CNOT4: variants seen among roughly 807,000 people sequenced by gnomAD.
The protein encoded by CNOT4 is CCR4-NOT transcription complex subunit 4.
Under a neutral mutation model 73.8 loss-of-function variants are expected in CNOT4, and 8 were observed. That is an observed-to-expected ratio of 0.11 (90% CI 0.06 to 0.20). The LOEUF is 0.20. Ranked by LOEUF, CNOT4 falls within the 10% of genes least tolerant of loss-of-function variation. The probability of loss-of-function intolerance (pLI) is 1.00; values close to 1 mark genes in which losing one functional copy is unlikely to be tolerated. For synonymous variants in CNOT4, 293 were observed against 321.1 expected (o/e 0.91, Z 0.94); for missense variants, 564 against 883.4 (o/e 0.64, Z 4.58).
At chr7:135,495,291 G>A (rs1448788227) in intron 1 of CNOT4, among the ~76,000 whole-genome samples, 1 of 152,074 alleles carries the variant, frequency 6.6e-6, no homozygotes, top group South Asian at 2.1e-4. Flanking sequence ...GATTACCTGA[G>A]GTCAGGAGTT....
intron 1 of CNOT4, among the ~76,000 whole-genome samples, chr7:135,504,166 CTGTT>C (rs1413162342): frequency 6.6e-6 from 1 of 152,134 alleles, no homozygotes; most frequent in African/African-American, 2.4e-5. Context: ...GACCATGTAT[CTGTT>C]TGTTGCTATT....
At chr7:135,422,857 A>G (rs1400663186) in intron 2 of CNOT4, among the ~76,000 whole-genome samples, 1 of 152,188 alleles carries the variant, frequency 6.6e-6, no homozygotes, top group Non-Finnish European at 1.5e-5. Flanking sequence ...TAATACTAGC[A>G]ATCACACTGT....
At chr7:135,374,141 C>A (rs1461479873) in intron 10 of CNOT4, among the ~76,000 whole-genome samples, 1 of 152,062 alleles carries the variant, frequency 6.6e-6, no homozygotes, top group Non-Finnish European at 1.5e-5. Flanking sequence ...CTTATATATC[C>A]CACGGCCTAC....
chr7:135,473,301 A>T (rs771281941), intron 1 of CNOT4, among the ~76,000 whole-genome samples: 4 of 152,226 alleles, frequency 2.6e-5, no homozygotes, highest in Non-Finnish European at 5.9e-5. Flanking sequence ...TTTACAATTT[A>T]AAAACCATAT....
intron 3 of CNOT4, among the ~76,000 whole-genome samples, chr7:135,418,414 G>GTGACT (rs1797992331): frequency 6.6e-6 from 1 of 152,202 alleles, no homozygotes; most frequent in Admixed American, 6.6e-5. Flanking sequence ...AAGAGGCCAT[G>GTGACT]TGACAGAATT....
chr7:135,429,292 T>C (rs1455240010), intron 2 of CNOT4, among the ~76,000 whole-genome samples: 1 of 152,190 alleles, frequency 6.6e-6, no homozygotes, highest in Non-Finnish European at 1.5e-5. Flanking sequence ...TGTATCATTT[T>C]TCCCTCCTTT....
intron 1 of CNOT4, among the ~76,000 whole-genome samples, chr7:135,507,543 A>G (rs1804455756): frequency 6.6e-6 from 1 of 152,214 alleles, no homozygotes; most frequent in Non-Finnish European, 1.5e-5. Flanking sequence ...GAATTCAGTA[A>G]CTGCGGGCAA....
intron 1 of CNOT4, among the ~76,000 whole-genome samples, chr7:135,491,600 C>G (rs892435367): frequency 6.6e-6 from 1 of 152,082 alleles, no homozygotes; most frequent in Non-Finnish European, 1.5e-5. Flanking sequence ...GGGGCAAAGC[C>G]TGATTAGAAC....
At chr7:135,477,754 T>C (rs1802087700) in intron 1 of CNOT4, among the ~76,000 whole-genome samples, 1 of 152,178 alleles carries the variant, frequency 6.6e-6, no homozygotes, top group African/African-American at 2.4e-5. Context: ...GAACATATAA[T>C]CCTGTATATT....
rs749864197 is a variant in CNOT4 at position 135,394,179 on chromosome 7, G to C, written c.1366C>G (p.Pro456Ala). 12 of 1,614,114 alleles carry C rather than the reference G, an allele frequency of 7.4e-6. No homozygotes were observed. In the East Asian group the frequency reaches 2.7e-4, roughly 36 times the overall value. ...GAATTGGCATTTGTAGCTGCAGCAG[G>C]ATGCAGGAATCCAGAGCCTGGACCT... ...AKGPGSGFLH[P>A]AAATNANSLN... Residue 456 changes from proline to alanine, a missense_variant, in exon 10 of 12, where the codon CCT becomes GCT. Coordinates refer to ENST00000541284, the MANE Select transcript of CNOT4 (RefSeq NM_001190850.2).
chr7:135,487,683 G>T (rs1802819880), intron 1 of CNOT4, among the ~76,000 whole-genome samples: 1 of 152,038 alleles, frequency 6.6e-6, no homozygotes, highest in Admixed American at 6.6e-5. Flanking sequence ...AATATGAATT[G>T]CTATTATCTC....
At position 135,424,510 on chromosome 7, in the gene CNOT4, C is replaced by T. The variant is rs193145910; in HGVS notation, c.175-2157G>A. On this transcript the variant is annotated intron_variant, in intron 2 of 11. Transcript: ENST00000541284. ...ACAATTAAGTTCATTTGAGGCCAGG[C>T]GCGGTGGCTCACGCCTGTAATTCCA... 1.1e-3 allele frequency among the ~76,000 whole-genome samples: 171 copies of T among 152,228 alleles called. 3 individuals carry two copies. The highest frequency in any genetic ancestry group is 4.1e-4 in the Non-Finnish European group (28 of 68,016).
At chr7:135,372,442 C>T (rs1419975440) in intron 10 of CNOT4, among the ~76,000 whole-genome samples, 1 of 152,080 alleles carries the variant, frequency 6.6e-6, no homozygotes, top group Admixed American at 6.6e-5. Context: ...TTGAGCTCCT[C>T]TAGGAAAAGG....
chr7:135,492,582 A>G (rs1296822785), intron 1 of CNOT4, among the ~76,000 whole-genome samples: 3 of 152,172 alleles, frequency 2.0e-5, no homozygotes, highest in Non-Finnish European at 4.4e-5. Context: ...CAGCAGTCAG[A>G]AAGAGCTTAG....
chr7:135,463,057 T>C (rs1800973908), intron 1 of CNOT4, among the ~76,000 whole-genome samples: 1 of 152,222 alleles, frequency 6.6e-6, no homozygotes, highest in Non-Finnish European at 1.5e-5. Context: ...GCCTTATTTC[T>C]GGGCCCTCTA....
intron 1 of CNOT4, among the ~76,000 whole-genome samples, chr7:135,449,699 C>T (rs1196896463): frequency 6.6e-6 from 1 of 151,952 alleles, no homozygotes; most frequent in Non-Finnish European, 1.5e-5. Context: ...GAAATAACAA[C>T]CCTGAAAAAA....
intron 2 of CNOT4, 76 bp from the exon 3 acceptor site, chr7:135,422,429 G>T: frequency 1.4e-6 from 1 of 735,952 alleles, no homozygotes; most frequent in Non-Finnish European, 2.4e-6. Context: ...TCTGATTCTT[G>T]GTGGTGGGTA....
chr7:135,490,555 T>C (rs533909600), intron 1 of CNOT4, among the ~76,000 whole-genome samples: 11 of 152,302 alleles, frequency 7.2e-5, no homozygotes, highest in African/African-American at 1.2e-4. Context: ...GGAACAAATA[T>C]GTCTTTTCGT....
At chr7:135,465,737 A>AG (rs1314012316) in intron 1 of CNOT4, among the ~76,000 whole-genome samples, 1 of 152,026 alleles carries the variant, frequency 6.6e-6, no homozygotes, top group African/African-American at 2.4e-5. Flanking sequence ...TTAACAAAAA[A>AG]AAAAAATTTT....
Sources: gnomAD v4.1 joint callset for allele counts (sites outside exome capture counted in the v4.1 genomes callset) on GRCh38, gnomAD v4.1.1 for gene constraint, MANE v1.5 for transcripts, NCBI Gene and HGNC (gene_info 2026-07-23, HGNC 2026-07-21) for gene names.